The following SERINC5 variants were observed in gnomAD, a reference collection of about 807,000 sequenced individuals.
The protein encoded by SERINC5 is serine incorporator 5.
In SERINC5, 41 loss-of-function variants were observed where a neutral mutation model predicts 63.1. The observed-to-expected ratio is 0.65, with a 90% CI of 0.51 to 0.84. The LOEUF is 0.84. SERINC5 is among the 40% of genes least tolerant of loss of function. SERINC5 has a pLI of 0.00. For missense variants in SERINC5, 523 were observed against 573.0 expected, an observed-to-expected ratio of 0.91 and a Z score of 0.89; for synonymous variants, 222 against 215.2, an observed-to-expected ratio of 1.03 and a Z score of -0.28.
chr5:80,245,985 A>G (rs1752152901), intron 1 of SERINC5, among the ~76,000 whole-genome samples: 1 of 143,282 alleles, frequency 7.0e-6, no homozygotes, highest in Non-Finnish European at 1.5e-5. Context: ...AAAAAAAAAA[A>G]AAGAGTAACA....
chr5:80,177,953 A>G lies in SERINC5; in HGVS notation c.307T>C (p.Phe103Leu). ...RVCFGMACFFFIFCLLTLKIN... is the reference protein window; with the variant it reads ...RVCFGMACFFLIFCLLTLKIN... ...TTCAAGGTCAGTAGACAGAAGATAA[A>G]GAAGAAACAAGCCATTCCAAAACAG... The change falls in exon 3 of 12, where the codon TTT becomes CTT. Residue 103 changes from phenylalanine (F) to leucine (L), a missense_variant. Phe to Leu is a conservative substitution (Grantham distance 22). Coordinates refer to ENST00000507668, the MANE Select transcript of SERINC5 (RefSeq NM_001174072.3). 6.2e-7 allele frequency: 1 copy of G among 1,612,272 alleles called. No homozygotes were observed. The highest frequency in any genetic ancestry group is 1.1e-5 in the South Asian group (1 of 90,678).
intron 1 of SERINC5, among the ~76,000 whole-genome samples, chr5:80,218,473 G>A (rs1750765489): frequency 6.6e-6 from 1 of 152,186 alleles, no homozygotes; most frequent in Non-Finnish European, 1.5e-5. Context: ...CCGGGAGGCA[G>A]AGGTTGCAGT....
At chr5:80,131,083 G>A (rs1744927253) in intron 11 of SERINC5, among the ~76,000 whole-genome samples, 1 of 152,110 alleles carries the variant, frequency 6.6e-6, no homozygotes. Context: ...GTGTGAGGAT[G>A]GTGACTGATA....
chr5:80,147,306 T>A, intron 9 of SERINC5, 22 bp from the exon 10 acceptor site: 1 of 1,602,650 alleles, frequency 6.2e-7, no homozygotes, highest in Non-Finnish European at 8.5e-7. Context: ...AAAGCAACAG[T>A]CAGGCGGCTT....
intron 7 of SERINC5, among the ~76,000 whole-genome samples, chr5:80,164,599 G>C (rs1366732934): frequency 6.6e-6 from 1 of 151,978 alleles, no homozygotes; most frequent in Non-Finnish European, 1.5e-5. Context: ...GCCCAGGCTG[G>C]TCTCAAACTC....
chr5:80,218,652 T>C (rs1750773608), intron 1 of SERINC5, among the ~76,000 whole-genome samples: 2 of 148,666 alleles, frequency 1.3e-5, no homozygotes. Flanking sequence ...TCCAGCCTGG[T>C]GACAGAGCAA....
chr5:80,206,669 C>T (rs940644304), intron 1 of SERINC5, among the ~76,000 whole-genome samples: 1 of 152,106 alleles, frequency 6.6e-6, no homozygotes, highest in African/African-American at 2.4e-5. Context: ...TTCTCAATCT[C>T]TGATTTTACT....
chr5:80,175,033 C>A lies in SERINC5; in HGVS notation c.472G>T (p.Gly158Ter). 1 of 1,593,528 alleles carries A rather than the reference C, an allele frequency of 6.3e-7. No individual in the cohort carries two copies. Among genetic ancestry groups the A allele is most frequent in the Non-Finnish European group, 8.6e-7 (1 of 1,169,460 alleles). Reference sequence around the variant, plus strand: ...ATGAAGAGGAAGCCTCCGACGGCTCCCACATAGCGCCAGGCTGCAAAAGAC... The same window carrying A: ...ATGAAGAGGAAGCCTCCGACGGCTCACACATAGCGCCAGGCTGCAAAAGAC... ...DTFLNAWRYV[G>*]AVGGFLFIGI... Residue 158 changes from glycine (G) to a stop codon, truncating the protein, a stop_gained, in exon 5 of 12, where the codon GGA (glycine) becomes TGA (stop). Transcript: ENST00000507668. LOFTEE classifies it high-confidence loss of function.
At chr5:80,170,427 A>C (rs1747574666) in intron 5 of SERINC5, among the ~76,000 whole-genome samples, 1 of 152,106 alleles carries the variant, frequency 6.6e-6, no homozygotes, top group Admixed American at 6.5e-5. Context: ...GATCTAGCTA[A>C]TGTGTAGTCC....
At chr5:80,224,608 C>A (rs950451063) in intron 1 of SERINC5, among the ~76,000 whole-genome samples, 2 of 152,104 alleles carry the variant, frequency 1.3e-5, no homozygotes, top group African/African-American at 4.8e-5. Flanking sequence ...AGCAACAGCT[C>A]TTGAAAAGTG....
intron 1 of SERINC5, among the ~76,000 whole-genome samples, chr5:80,245,185 G>A (rs1752116807): frequency 6.6e-6 from 1 of 151,804 alleles, no homozygotes; most frequent in African/African-American, 2.4e-5. Flanking sequence ...TCGTACTACA[G>A]CTGTTTTTTC....
At chr5:80,246,860 G>A (rs967997663) in intron 1 of SERINC5, among the ~76,000 whole-genome samples, 1 of 152,152 alleles carries the variant, frequency 6.6e-6, no homozygotes, top group Non-Finnish European at 1.5e-5. Context: ...ATTTTAAGCA[G>A]GGCAGCAAAG....
chr5:80,169,566 G>A lies in SERINC5; in HGVS notation c.552-20C>T. On this transcript the variant is annotated intron_variant, in intron 5 of 11. Coordinates refer to ENST00000507668, the MANE Select transcript of SERINC5 (RefSeq NM_001174072.3). ...GCTGTCCTGTTTCTCCGGGAAGTGG[G>A]TAAGAGGGAGAGGAGAGAAGACAAG... The A allele has an allele frequency of 1.3e-6, 2 of 1,593,006 alleles. No individual in the cohort carries two copies. Among genetic ancestry groups the A allele is most frequent in the South Asian group, 1.1e-5 (1 of 89,412 alleles).
Position 80,141,866 on chromosome 5 carries a change from T to C in SERINC5, c.*1797A>G. ...CCACACACACAGATGGAGTGCCTTT[T>C]GAAACTGAATCTCAAACACTCTAAG... On this transcript the variant is annotated 3_prime_UTR_variant, in exon 12 of 12. Transcript: ENST00000507668. 3.0e-6 allele frequency: 3 copies of C among 985,440 alleles called. No homozygotes were observed. The highest frequency in any genetic ancestry group is 3.6e-6 in the Non-Finnish European group (3 of 829,924). The allele number at this position is 985,440 out of a possible 1,614,324, so 61.0% of individuals were successfully genotyped here. A position where few individuals can be genotyped will look rare whatever the true frequency, so the allele number is the denominator to read the frequency against.
At chr5:80,182,525 A>C (rs1748500364) in intron 2 of SERINC5, among the ~76,000 whole-genome samples, 1 of 143,444 alleles carries the variant, frequency 7.0e-6, no homozygotes. Context: ...AACATGCCAT[A>C]AGCTTCTATC....
chr5:80,193,044 T>C (rs1443642092), intron 2 of SERINC5, among the ~76,000 whole-genome samples: 1 of 152,204 alleles, frequency 6.6e-6, no homozygotes, highest in Non-Finnish European at 1.5e-5. Flanking sequence ...ATGGGGACAA[T>C]AACTGTGTGT....
chr5:80,214,688 T>C (rs1750587389), intron 1 of SERINC5, among the ~76,000 whole-genome samples: 1 of 152,128 alleles, frequency 6.6e-6, no homozygotes, highest in Non-Finnish European at 1.5e-5. Flanking sequence ...CTTGAGGCTA[T>C]GAGTTGGAGA....
At chr5:80,160,905 GAGAT>G (rs758614666) in intron 7 of SERINC5, among the ~76,000 whole-genome samples, 11 of 150,814 alleles carry the variant, frequency 7.3e-5, no homozygotes, top group South Asian at 4.2e-4. Flanking sequence ...CCATTGTGTG[GAGAT>G]AGATATATAT....
At chr5:80,119,758 C>T (rs1394184032) in intron 11 of SERINC5, among the ~76,000 whole-genome samples, 1 of 152,164 alleles carries the variant, frequency 6.6e-6, no homozygotes, top group African/African-American at 2.4e-5. Context: ...TCTGAATAAC[C>T]CAGAGAGCTT....
Sources: allele counts gnomAD v4.1 joint callset (sites outside exome capture counted in the v4.1 genomes callset), GRCh38; gene constraint gnomAD v4.1.1; transcripts MANE v1.5; gene names NCBI Gene and HGNC (gene_info 2026-07-23, HGNC 2026-07-21).